The following CCDC38 variants were observed in gnomAD, a reference collection of about 807,000 sequenced individuals.
The protein encoded by CCDC38 is coiled-coil domain-containing protein 38.
In CCDC38, 69 loss-of-function variants were observed where a neutral mutation model predicts 72.8. That is an observed-to-expected ratio of 0.95 (90% CI 0.78 to 1.16). The LOEUF is 1.16. Ranked by LOEUF, CCDC38 falls within the 50% of genes most tolerant of loss-of-function variation. CCDC38 has a pLI of 0.00. For synonymous variants in CCDC38, 201 were observed against 213.2 expected (o/e 0.94, Z 0.50); for missense variants, 626 against 638.9 (o/e 0.98, Z 0.22).
chr12:95,875,831 A>G (rs1328395621), intron 13 of CCDC38, among the ~76,000 whole-genome samples: 2 of 152,198 alleles, frequency 1.3e-5, no homozygotes, highest in Non-Finnish European at 2.9e-5. Flanking sequence ...TTTTACGTCA[A>G]TTCTACTTTC....
intron 2 of CCDC38, 34 bp downstream of exon 2, chr12:95,936,439 C>T (rs774029759): frequency 1.2e-6 from 2 of 1,602,730 alleles, no homozygotes; most frequent in Admixed American, 1.7e-5. Context: ...ACTGCCAGGC[C>T]CAAACAAGAA....
At chr12:95,902,058 T>C (rs2079955789) in intron 5 of CCDC38, among the ~76,000 whole-genome samples, 1 of 152,154 alleles carries the variant, frequency 6.6e-6, no homozygotes, top group Admixed American at 6.5e-5. Context: ...AACTGATATC[T>C]AAAGAGGGTT....
At chr12:95,905,176 G>A (rs1205891932) in intron 5 of CCDC38, among the ~76,000 whole-genome samples, 1 of 152,018 alleles carries the variant, frequency 6.6e-6, no homozygotes, top group African/African-American at 2.4e-5. Flanking sequence ...TTATTTTGTT[G>A]TTATTTTTTA....
intron 2 of CCDC38, among the ~76,000 whole-genome samples, chr12:95,923,235 T>C (rs1342848653): frequency 6.6e-6 from 1 of 152,142 alleles, no homozygotes; most frequent in Non-Finnish European, 1.5e-5. Flanking sequence ...TGGCAAATCA[T>C]GGGACTTCTC....
intron 8 of CCDC38, among the ~76,000 whole-genome samples, chr12:95,894,569 T>G (rs1399192357): frequency 2.6e-5 from 4 of 152,068 alleles, no homozygotes; most frequent in Admixed American, 6.6e-5. Context: ...CCACAAGAGC[T>G]CCTTGTTGAA....
At position 95,940,890 on chromosome 12, in the gene CCDC38, AC is replaced by A. The variant is rs1321035297; in HGVS notation, c.-15+1540del. On this transcript the variant is annotated intron_variant, in intron 1 of 15. Transcript: ENST00000344280. The stretch of plus-strand genomic sequence containing the variant: ...GAAGTGAAAAAAAACAAACAAACAA[AC>A]AAAAAAAAAAACTGGAGGTCAAGAG... 5.9e-3 allele frequency among the ~76,000 whole-genome samples: 217 copies of A among 36,670 alleles called. 1 individual carries two copies. The highest frequency in any genetic ancestry group is 0.043 in the African/African-American group (182 of 4,254). The allele number at this position is 36,670 out of a possible 152,430, so 24.1% of individuals were successfully genotyped here.
At chr12:95,902,677 G>A (rs2079962649) in intron 5 of CCDC38, among the ~76,000 whole-genome samples, 2 of 152,074 alleles carry the variant, frequency 1.3e-5, no homozygotes, top group Admixed American at 6.6e-5. Context: ...AGGTTGCTAT[G>A]AGCACATATG....
chr12:95,931,025 T>C (rs1178461157), intron 2 of CCDC38, among the ~76,000 whole-genome samples: 1 of 152,218 alleles, frequency 6.6e-6, no homozygotes, highest in Non-Finnish European at 1.5e-5. Flanking sequence ...ATTAGTTTCC[T>C]ATTGCCGCTG....
intron 1 of CCDC38, among the ~76,000 whole-genome samples, chr12:95,936,855 G>A (rs551350167): frequency 3.9e-5 from 6 of 152,216 alleles, no homozygotes; most frequent in Non-Finnish European, 8.8e-5. Flanking sequence ...CCATGGTATT[G>A]GTTAAAAAAC....
At chr12:95,916,325 GA>G (rs2080142835) in intron 4 of CCDC38, among the ~76,000 whole-genome samples, 2 of 151,920 alleles carry the variant, frequency 1.3e-5, no homozygotes, top group Admixed American at 1.3e-4. Flanking sequence ...TTTACAGTTT[GA>G]GAAAGTGCAT....
chr12:95,936,542 A>T lies in CCDC38; in HGVS notation c.-14-19T>A. On this transcript the variant is annotated intron_variant, in intron 1 of 15. Coordinates refer to ENST00000344280, the MANE Select transcript of CCDC38 (RefSeq NM_182496.3). ...CCTGGCCCTGTTGAAAGAAAAAAAA[A>T]TACGTTTTTTAAAAATTCTATGAAC... 1.3e-6 allele frequency: 2 copies of T among 1,486,448 alleles called. No individual in the cohort carries two copies. The highest frequency in any genetic ancestry group is 1.1e-5 in the South Asian group (1 of 87,242). 92.1% of individuals were successfully genotyped at this position (1,486,448 alleles called of 1,614,324 possible).
intron 2 of CCDC38, among the ~76,000 whole-genome samples, chr12:95,932,958 A>G (rs541044067): frequency 1.3e-5 from 2 of 152,164 alleles, no homozygotes; most frequent in African/African-American, 4.8e-5. Context: ...GAAAGGAGAG[A>G]CTGTTCAAAA....
chr12:95,869,662 T>A, intron 14 of CCDC38, 89 bp from the exon 15 acceptor site: 1 of 872,338 alleles, frequency 1.1e-6, no homozygotes, highest in Non-Finnish European at 1.9e-6. Context: ...GCCATGTGAC[T>A]AGAAGACCTC....
At chr12:95,907,850 G>A (rs1225785748) in intron 4 of CCDC38, among the ~76,000 whole-genome samples, 4 of 150,274 alleles carry the variant, frequency 2.7e-5, no homozygotes, top group Non-Finnish European at 4.4e-5. Flanking sequence ...ATGGGTGGCC[G>A]GGCAGAGACG....
chr12:95,917,112 G>A lies in CCDC38; in HGVS notation c.304+17C>T, dbSNP rs768990145. 1.9e-6 allele frequency: 3 copies of A among 1,558,690 alleles called. No homozygotes were observed. The East Asian group carries it at 6.9e-5, about 36-fold the overall frequency. On this transcript the variant is annotated intron_variant, in intron 4 of 15. Coordinates refer to ENST00000344280, the MANE Select transcript of CCDC38 (RefSeq NM_182496.3). ...AAATATTCAAAATGATGTTCTTAAA[G>A]AGTAATTTAGACTCACCTTCTATTA...
chr12:95,936,609 A>AC, intron 1 of CCDC38, 86 bp from the exon 2 acceptor site: 1 of 1,056,094 alleles, frequency 9.5e-7, no homozygotes, highest in Non-Finnish European at 1.4e-6. Flanking sequence ...TGACTCCTTA[A>AC]CAGTCCTTAT....
At chr12:95,898,516 A>AACAG (rs772377255) in intron 6 of CCDC38, 51 bp from the exon 7 acceptor site, 2 of 1,614,136 alleles carry the variant, frequency 1.2e-6, no homozygotes, top group Non-Finnish European at 1.7e-6. Flanking sequence ...CAAACAAACA[A>AACAG]ACAAACAAAC....
intron 2 of CCDC38, among the ~76,000 whole-genome samples, chr12:95,928,219 T>G (rs1037829540): frequency 6.6e-6 from 1 of 152,146 alleles, no homozygotes; most frequent in African/African-American, 2.4e-5. Flanking sequence ...CCCATATTTC[T>G]TGGAGGCTTT....
chr12:95,931,146 A>G (rs984132347), intron 2 of CCDC38, among the ~76,000 whole-genome samples: 1 of 152,194 alleles, frequency 6.6e-6, no homozygotes, highest in African/African-American at 2.4e-5. Flanking sequence ...CAGGATGTTG[A>G]TAGAGCTGTG....
Sources: gnomAD v4.1 joint callset for allele counts (sites outside exome capture counted in the v4.1 genomes callset) on GRCh38, gnomAD v4.1.1 for gene constraint, MANE v1.5 for transcripts, NCBI Gene and HGNC (gene_info 2026-07-23, HGNC 2026-07-21) for gene names.